GPR78: variants seen among roughly 807,000 people sequenced by gnomAD.
GPR78 encodes the protein G protein-coupled receptor 78.
In GPR78, 29 loss-of-function variants were observed where a neutral mutation model predicts 17.9. That is an observed-to-expected ratio of 1.62 (90% confidence interval 1.20 to 2.21). The LOEUF is 2.21. Among genes scored for constraint, GPR78 ranks in the 30% most tolerant of loss-of-function variants. The probability of loss-of-function intolerance (pLI) is 0.00; values close to 1 mark genes in which losing one functional copy is unlikely to be tolerated. For missense variants in GPR78, 649 were observed against 530.5 expected (o/e 1.22, Z -2.19); for synonymous variants, 349 against 256.9 (o/e 1.36, Z -3.43).
At position 8,581,595 on chromosome 4, in the gene GPR78, C is replaced by T; in HGVS notation, c.613C>T (p.Arg205Cys). The T allele has an allele frequency of 1.3e-6, 2 of 1,550,968 alleles. No individual in the cohort carries two copies. Among genetic ancestry groups the T allele is most frequent in the Non-Finnish European group, 1.7e-6 (2 of 1,155,222 alleles). The stretch of plus-strand genomic sequence containing the variant: ...CCGGGTGGCACGCAGACACTGCCAG[C>T]GCATGGACACCGTCACCATGAAGGC... ...VHRVARRHCQ[R>C]MDTVTMKALA... Residue 205 changes from arginine to cysteine, a missense_variant, in exon 1 of 3, where the codon CGC (arginine) becomes TGC (cysteine). Transcript: ENST00000382487.
Position 8,586,201 on chromosome 4 carries a change from T to C in GPR78, c.783-853T>C, listed in dbSNP as rs576561229. On this transcript the variant is annotated intron_variant, in intron 2 of 2. Transcript: ENST00000382487. ...CCATGGCCCCTACCCTAGGCTGTGC[T>C]GAGAGCGGAGGGGTCCGTCAGAGTC... 2.9e-3 allele frequency among the ~76,000 whole-genome samples: 435 copies of C among 152,282 alleles called. 4 individuals are homozygous for C. The highest frequency in any genetic ancestry group is 0.01 in the African/African-American group (425 of 41,568).
At position 8,585,003 on chromosome 4, in the gene GPR78, C is replaced by T. The variant is rs142478119; in HGVS notation, c.783-2051C>T. On this transcript the variant is annotated intron_variant, in intron 2 of 2. Transcript: ENST00000382487. Reference sequence around the variant, plus strand: ...CCAAGTCACCTTGAGCCAGTTCATGCGGATAAAGCAGGTAAAGGAGATGGG... The same window carrying T: ...CCAAGTCACCTTGAGCCAGTTCATGTGGATAAAGCAGGTAAAGGAGATGGG... 7.6e-4 allele frequency among the ~76,000 whole-genome samples: 116 copies of T among 152,294 alleles called. 1 individual carries two copies. The highest frequency in any genetic ancestry group is 2.1e-3 in the East Asian group (11 of 5,186).
chr4:8,587,248 C>T lies in GPR78; in HGVS notation c.977C>T (p.Ser326Phe), dbSNP rs761289064. ...TPRPASTHDS[S>F]LDVAGMVHQL... ...CGCCCAGCATCCACCCATGACAGCT[C>T]TCTGGATGTGGCCGGCATGGTGCAC... The change falls in exon 3 of 3, where the codon TCT becomes TTT. Residue 326 changes from serine (S) to phenylalanine (F), a missense_variant. Coordinates refer to ENST00000382487, the MANE Select transcript of GPR78 (RefSeq NM_080819.5). The T allele has an allele frequency of 1.1e-5, 18 of 1,606,330 alleles. No individual in the cohort carries two copies. The highest frequency in any genetic ancestry group is 1.5e-5 in the Non-Finnish European group (18 of 1,174,604).
In GPR78 at chr4:8,580,765, GC is replaced by G; in HGVS notation, c.-217del. On this transcript the variant is annotated 5_prime_UTR_variant, in exon 1 of 3. Coordinates refer to ENST00000382487, the MANE Select transcript of GPR78 (RefSeq NM_080819.5). ...TGCGCTGCCTCCAGGGCGGCCCCGGGCTGCTCCTGCTCCGCAGAGCTACGCC... is the reference window on the plus strand; with the variant it reads ...TGCGCTGCCTCCAGGGCGGCCCCGGGTGCTCCTGCTCCGCAGAGCTACGCC... 1.7e-6 allele frequency: 1 copy of G among 574,136 alleles called. No homozygotes were observed. The allele number at this position is 574,136 out of a possible 1,614,324, so 35.6% of individuals were successfully genotyped here. A position where few individuals can be genotyped will look rare whatever the true frequency, so the allele number is the denominator to read the frequency against.
At position 8,581,139 on chromosome 4, in the gene GPR78, C is replaced by T. The variant is rs769957573; in HGVS notation, c.157C>T (p.Leu53=). Residue 53 remains leucine, a synonymous_variant, in exon 1 of 3, where the codon CTG becomes TTG. Coordinates refer to ENST00000382487, the MANE Select transcript of GPR78 (RefSeq NM_080819.5). ...CCTGGTGAATCTGTCTCTGGGCCAC[C>T]TGCTGCTGGCGGCGCTGGACATGCC... ...VLLVNLSLGH[L]LLAALDMPFT... is the part of the protein sequence containing the mutation. 4 of 1,604,990 alleles carry T rather than the reference C, an allele frequency of 2.5e-6. No individual in the cohort carries two copies. The highest frequency in any genetic ancestry group is 2.5e-6 in the Non-Finnish European group (3 of 1,179,770).
intron 2 of GPR78, chr4:8,582,987 G>C (rs1200099844): frequency 5.2e-6 from 1 of 191,794 alleles, no homozygotes; most frequent in East Asian, 1.3e-4. Flanking sequence ...CGCATCTCCT[G>C]GGCGTGGAGT....
chr4:8,586,447 G>T (rs1418642966), intron 2 of GPR78, among the ~76,000 whole-genome samples: 2 of 152,200 alleles, frequency 1.3e-5, no homozygotes, highest in Non-Finnish European at 2.9e-5. Flanking sequence ...GTGGTGTGTG[G>T]TGCCCGTGGA....
chr4:8,582,613 C>T lies in GPR78; in HGVS notation c.751C>T (p.Leu251Phe), dbSNP rs767824059. The T allele has an allele frequency of 1.1e-5, 17 of 1,613,224 alleles. No individual in the cohort carries two copies. Among genetic ancestry groups the T allele is most frequent in the Admixed American group, 6.7e-5 (4 of 60,012 alleles). ...RKIGIAIATF[L>F]ICFAPYVMTR... ...GATTGGCATTGCTATTGCGACCTTC[C>T]TCATCTGCTTTGCCCCGTATGTCAT... is the stretch of plus-strand genomic sequence containing the variant. Residue 251 changes from leucine to phenylalanine, a missense_variant, in exon 2 of 3, where the codon CTC becomes TTC. Transcript: ENST00000382487.
rs937042586 is a variant in GPR78, at chr4:8,587,726, A to C, written c.*363A>C. 9.4e-6 allele frequency: 3 copies of C among 318,246 alleles called. No homozygotes were observed. The highest frequency in any genetic ancestry group is 4.2e-5 in the African/African-American group (2 of 47,612). The allele number at this position is 318,246 out of a possible 1,614,324, so 19.7% of individuals were successfully genotyped here. On this transcript the variant is annotated 3_prime_UTR_variant, in exon 3 of 3. Coordinates refer to ENST00000382487, the MANE Select transcript of GPR78 (RefSeq NM_080819.5). ...GGCGTGCTATAAGTGACTGCTGTTC[A>C]TGTGGGTGAGGTGGTCACTCTTGCT...
chr4:8,582,436 C>T lies in GPR78; in HGVS notation c.669-95C>T, dbSNP rs1052248213. The T allele has an allele frequency of 7.7e-6, 6 of 774,712 alleles. No homozygotes were observed. The African/African-American group carries it at 8.4e-5, about 11-fold the overall frequency. 48.0% of individuals were successfully genotyped at this position (774,712 alleles called of 1,614,324 possible). A position where few individuals can be genotyped will look rare whatever the true frequency, so the allele number is the denominator to read the frequency against. ...TTCCAGGCTAAACATCCTCCTGAAA[C>T]CCTCCTGTCTGCCCTCACTTCAGCC... On this transcript the variant is annotated intron_variant, in intron 1 of 2. Coordinates refer to ENST00000382487, the MANE Select transcript of GPR78 (RefSeq NM_080819.5).
rs1713688829 is a variant in GPR78, at chr4:8,589,988, CAAG to C, written c.*2628_*2630del. 6.7e-6 allele frequency among the ~76,000 whole-genome samples: 1 copy of C among 148,896 alleles called. No homozygotes were observed. Among genetic ancestry groups the C allele is most frequent in the African/African-American group, 2.5e-5 (1 of 40,244 alleles). On this transcript the variant is annotated 3_prime_UTR_variant, in exon 3 of 3. Coordinates refer to ENST00000382487, the MANE Select transcript of GPR78 (RefSeq NM_080819.5). ...CGTGTTGTGGAATGATGCTGGGTCT[CAAG>C]AATGCTGTGAATCAATAAACATTTT...
Position 8,581,662 on chromosome 4 carries a change from GTGCAT to G in GPR78, c.668+13_668+17del. The G allele has an allele frequency of 2.1e-6, 3 of 1,443,926 alleles. No homozygotes were observed. Among genetic ancestry groups the G allele is most frequent in the Non-Finnish European group, 1.8e-6 (2 of 1,102,772 alleles). 89.4% of individuals were successfully genotyped at this position (1,443,926 alleles called of 1,614,324 possible). A position where few individuals can be genotyped will look rare whatever the true frequency, so the allele number is the denominator to read the frequency against. On this transcript the variant is annotated intron_variant, in intron 1 of 2. Transcript: ENST00000382487. ...GACCTGCACCCCAGGTATTGGCCCA[GTGCAT>G]GCCGACAGGCCCAGGCCAGGGACTT...
chr4:8,581,764 G>T, intron 1 of GPR78, 114 bp downstream of exon 1: 2 of 751,920 alleles, frequency 2.7e-6, no homozygotes, highest in Non-Finnish European at 2.0e-6. Context: ...GAGTTCACCA[G>T]CCACAGCACT....
Position 8,580,761 on chromosome 4 carries a change from C to T in GPR78, c.-222C>T, listed in dbSNP as rs1318098779. 8.7e-6 allele frequency: 5 copies of T among 572,696 alleles called. No homozygotes were observed. The highest frequency in any genetic ancestry group is 1.5e-5 in the Non-Finnish European group (5 of 330,312). 35.5% of individuals were successfully genotyped at this position (572,696 alleles called of 1,614,324 possible). A position where few individuals can be genotyped will look rare whatever the true frequency, so the allele number is the denominator to read the frequency against. On this transcript the variant is annotated 5_prime_UTR_variant, in exon 1 of 3. Coordinates refer to ENST00000382487, the MANE Select transcript of GPR78 (RefSeq NM_080819.5). ...CGGTTGCGCTGCCTCCAGGGCGGCC[C>T]CGGGCTGCTCCTGCTCCGCAGAGCT...
Position 8,587,224 on chromosome 4 carries a change from GC to G in GPR78, c.956del (p.Pro319GlnfsTer19), listed in dbSNP as rs778027319. On this transcript the variant is annotated frameshift_variant, in exon 3 of 3. Transcript: ENST00000382487. LOFTEE classifies it low-confidence loss of function (END_TRUNC). ...MVHRLLKRTPRPASTHDSSLD... is the reference protein window; with the variant it reads ...MVHRLLKRTPXPASTHDSSLD... ...CACCGGCTGCTGAAGAGAACCCCGC[GC>G]CCAGCATCCACCCATGACAGCTCTC... 1.2e-6 allele frequency: 2 copies of G among 1,606,644 alleles called. No homozygotes were observed. The highest frequency in any genetic ancestry group is 1.7e-6 in the Non-Finnish European group (2 of 1,174,834).
chr4:8,581,246 C>G lies in GPR78; in HGVS notation c.264C>G (p.Phe88Leu), dbSNP rs751470196. ...ACQVIGFLDT[F>L]LASNAALSVA... ...AAGTCATTGGCTTCCTGGACACCTTCCTGGCGTCCAACGCGGCGCTGAGCG... is the reference window on the plus strand; with the variant it reads ...AAGTCATTGGCTTCCTGGACACCTTGCTGGCGTCCAACGCGGCGCTGAGCG... The change falls in exon 1 of 3, where the codon TTC (phenylalanine) becomes TTG (leucine). Residue 88 changes from phenylalanine (F) to leucine (L), a missense_variant. Coordinates refer to ENST00000382487, the MANE Select transcript of GPR78 (RefSeq NM_080819.5). The G allele has an allele frequency of 2.6e-5, 41 of 1,594,044 alleles. No individual in the cohort carries two copies. The highest frequency in any genetic ancestry group is 3.3e-5 in the Non-Finnish European group (39 of 1,175,204).
chr4:8,582,512 C>T lies in GPR78; in HGVS notation c.669-19C>T. 1 of 1,564,724 alleles carries T rather than the reference C, an allele frequency of 6.4e-7. No individual in the cohort carries two copies. The highest frequency in any genetic ancestry group is 8.7e-7 in the Non-Finnish European group (1 of 1,144,480). On this transcript the variant is annotated intron_variant, in intron 1 of 2. Coordinates refer to ENST00000382487, the MANE Select transcript of GPR78 (RefSeq NM_080819.5). ...CCCCACCCTGCCATCATCCTGACCA[C>T]TGTCCTCTGTCCCCACAGTGTGCGG...
chr4:8,587,515 G>A lies in GPR78; in HGVS notation c.*152G>A. 3 of 772,524 alleles carry A rather than the reference G, an allele frequency of 3.9e-6. No homozygotes were observed. The highest frequency in any genetic ancestry group is 6.2e-6 in the Non-Finnish European group (3 of 485,430). The allele number at this position is 772,524 out of a possible 1,614,324, so 47.9% of individuals were successfully genotyped here. Reference sequence around the variant, plus strand: ...ACAGGAGGAGGAGGAGGAGAGGGCCGGATGTGGGTGTGGACAGCAGTAGTG... The same window carrying A: ...ACAGGAGGAGGAGGAGGAGAGGGCCAGATGTGGGTGTGGACAGCAGTAGTG... On this transcript the variant is annotated 3_prime_UTR_variant, in exon 3 of 3. Transcript: ENST00000382487.
chr4:8,583,989 C>T (rs765195249), intron 2 of GPR78, among the ~76,000 whole-genome samples: 19 of 152,288 alleles, frequency 1.2e-4, no homozygotes, highest in Middle Eastern at 3.4e-3. Context: ...ATCCTTCTCC[C>T]GGGAACCAGC....
Sources: gnomAD v4.1 joint callset for allele counts (sites outside exome capture counted in the v4.1 genomes callset) on GRCh38, gnomAD v4.1.1 for gene constraint, MANE v1.5 for transcripts, NCBI Gene and HGNC (gene_info 2026-07-23, HGNC 2026-07-21) for gene names.